The following RAB27B variants were observed in gnomAD, a reference collection of about 807,000 sequenced individuals.
The protein encoded by RAB27B is RAB27B, member RAS oncogene family.
A neutral mutation model predicts 24.6 loss-of-function variants in RAB27B; 15 were observed. That is an observed-to-expected ratio of 0.61 (90% CI 0.41 to 0.94). RAB27B has a LOEUF of 0.94. Ranked by LOEUF, RAB27B falls within the 40% of genes least tolerant of loss-of-function variation. The pLI is 0.00. For synonymous variants in RAB27B, 105 were observed against 92.5 expected, an observed-to-expected ratio of 1.14 and a Z score of -0.78; for missense variants, 261 against 266.8, an observed-to-expected ratio of 0.98 and a Z score of 0.15.
chr18:54,784,935 C>T (rs879628615), intron 2 of RAB27B, among the ~76,000 whole-genome samples: 1 of 152,180 alleles, frequency 6.6e-6, no homozygotes, highest in Non-Finnish European at 1.5e-5. Flanking sequence ...GGATGCTCCT[C>T]TCACTCAGGG....
intron 2 of RAB27B, among the ~76,000 whole-genome samples, chr18:54,801,018 T>TG (rs1004135122): frequency 6.2e-5 from 9 of 144,752 alleles, no homozygotes; most frequent in African/African-American, 1.0e-4. Context: ...GTTTTTTTTT[T>TG]TTTTTTTTTT....
At chr18:54,795,977 C>G (rs1909404338) in intron 2 of RAB27B, among the ~76,000 whole-genome samples, 2 of 152,112 alleles carry the variant, frequency 1.3e-5, no homozygotes, top group Admixed American at 6.6e-5. Flanking sequence ...ACCCGTGAAG[C>G]CATCACAATA....
At chr18:54,847,440 A>G (rs1329191004) in intron 1 of RAB27B, among the ~76,000 whole-genome samples, 8 of 152,216 alleles carry the variant, frequency 5.3e-5, no homozygotes, top group African/African-American at 1.7e-4. Flanking sequence ...AACATAGGGC[A>G]GTCCAGAAAA....
chr18:54,829,970 A>G (rs1021671588), intron 1 of RAB27B, among the ~76,000 whole-genome samples: 1 of 152,212 alleles, frequency 6.6e-6, no homozygotes, highest in Non-Finnish European at 1.5e-5. Flanking sequence ...TTTCTGTTTC[A>G]GAATTGACTA....
intron 2 of RAB27B, among the ~76,000 whole-genome samples, chr18:54,808,122 T>G (rs986244179): frequency 6.6e-6 from 1 of 152,206 alleles, no homozygotes; most frequent in Non-Finnish European, 1.5e-5. Context: ...AAATTAAGTT[T>G]TGTTCATTGT....
chr18:54,819,761 TC>T, intron 2 of RAB27B, among the ~76,000 whole-genome samples: 1 of 125,488 alleles, frequency 8.0e-6, no homozygotes, highest in African/African-American at 3.0e-5. Flanking sequence ...CCTAATGCTA[TC>T]CCTCCCCCCT....
At chr18:54,731,303 C>T (rs537850065) in intron 2 of RAB27B, among the ~76,000 whole-genome samples, 43 of 152,276 alleles carry the variant, frequency 2.8e-4, no homozygotes, top group African/African-American at 9.4e-4. Flanking sequence ...AAAAAATGGG[C>T]AAATCCATAG....
At position 54,891,732 on chromosome 18, in the gene RAB27B, A is replaced by G. The variant is rs890517315; in HGVS notation, c.*2319A>G. 5.3e-5 allele frequency: 8 copies of G among 152,014 alleles called. No homozygotes were observed. The highest frequency in any genetic ancestry group is 1.5e-5 in the Non-Finnish European group (1 of 67,972). 9.4% of individuals were successfully genotyped at this position (152,014 alleles called of 1,614,324 possible). On this transcript the variant is annotated 3_prime_UTR_variant, in exon 6 of 6. Coordinates refer to ENST00000262094, the MANE Select transcript of RAB27B (RefSeq NM_004163.4). ...AGATTCTGTCACTGTCAGTTATTTA[A>G]TGAGTGTTTTTTCAGGGTCTGTTTT... is the stretch of plus-strand genomic sequence containing the variant.
At chr18:54,730,174 C>T (rs931098698) in intron 2 of RAB27B, among the ~76,000 whole-genome samples, 18 of 152,058 alleles carry the variant, frequency 1.2e-4, no homozygotes, top group Non-Finnish European at 7.4e-5. Context: ...TCTTTTATGA[C>T]GTTTTAGTCT....
At chr18:54,814,159 T>C (rs1359623217) in intron 2 of RAB27B, among the ~76,000 whole-genome samples, 1 of 152,196 alleles carries the variant, frequency 6.6e-6, no homozygotes, top group Non-Finnish European at 1.5e-5. Flanking sequence ...AATCCTCTAT[T>C]GTTAGGGACA....
intron 2 of RAB27B, among the ~76,000 whole-genome samples, chr18:54,774,045 T>C (rs74554374): frequency 5.9e-5 from 9 of 152,304 alleles, no homozygotes; most frequent in African/African-American, 2.2e-4. Flanking sequence ...CTATTTTTTT[T>C]CCTATTATTG....
chr18:54,812,150 CATTTTGGGGG>C (rs1909982299), intron 2 of RAB27B, among the ~76,000 whole-genome samples: 1 of 152,046 alleles, frequency 6.6e-6, no homozygotes, highest in African/African-American at 2.4e-5. Flanking sequence ...GTTTCATTGA[CATTTTGGGGG>C]GTTTTGGGAT....
At chr18:54,784,665 G>A (rs75674470) in intron 2 of RAB27B, among the ~76,000 whole-genome samples, 10,018 of 152,206 alleles carry the variant, frequency 0.066, 440 homozygotes, top group African/African-American at 0.1. Context: ...TTATGGCTGC[G>A]TAGTATTCCA....
chr18:54,733,910 T>A (rs1397435242), intron 2 of RAB27B, among the ~76,000 whole-genome samples: 1 of 152,130 alleles, frequency 6.6e-6, no homozygotes, highest in Non-Finnish European at 1.5e-5. Context: ...GCAAATAACT[T>A]ATTACCTTGG....
At chr18:54,850,331 AG>A (rs1911510695) in intron 1 of RAB27B, among the ~76,000 whole-genome samples, 1 of 36,372 alleles carries the variant, frequency 2.7e-5, no homozygotes, top group African/African-American at 1.2e-4. Context: ...GCAAACAAAC[AG>A]GATATATATA....
At chr18:54,718,688 A>G (rs187825780) in intron 2 of RAB27B, among the ~76,000 whole-genome samples, 36 of 152,328 alleles carry the variant, frequency 2.4e-4, no homozygotes, top group African/African-American at 6.7e-4. Context: ...CAGAAACATT[A>G]AAAAACAATG....
At chr18:54,759,418 G>A (rs1908109362) in intron 2 of RAB27B, among the ~76,000 whole-genome samples, 1 of 152,116 alleles carries the variant, frequency 6.6e-6, no homozygotes, top group Non-Finnish European at 1.5e-5. Context: ...CTCAAATGAA[G>A]GCATTCGATG....
intron 2 of RAB27B, among the ~76,000 whole-genome samples, chr18:54,721,447 C>G (rs949150351): frequency 6.6e-6 from 1 of 152,174 alleles, no homozygotes; most frequent in Non-Finnish European, 1.5e-5. Flanking sequence ...AAGATTTGCT[C>G]TTTCACATAA....
chr18:54,860,525 A>G (rs529795980), intron 1 of RAB27B, among the ~76,000 whole-genome samples: 3 of 152,034 alleles, frequency 2.0e-5, no homozygotes, highest in African/African-American at 7.2e-5. Context: ...CCTCCTGATT[A>G]TTTCTGCCCA....
Sources: gnomAD v4.1 joint callset for allele counts (sites outside exome capture counted in the v4.1 genomes callset) on GRCh38, gnomAD v4.1.1 for gene constraint, MANE v1.5 for transcripts, NCBI Gene and HGNC (gene_info 2026-07-23, HGNC 2026-07-21) for gene names.